QTGAL: variants seen among roughly 807,000 people sequenced by gnomAD.
The protein encoded by QTGAL is BGnT-like protein 1.
At chr17:82,974,683 G>A in the QTGAL span, among the ~76,000 whole-genome samples, 2 of 152,176 alleles carry the variant, frequency 1.3e-5, no homozygotes, top group African/African-American at 4.8e-5. Flanking sequence ...GGTGTCCCTG[G>A]CCCCACATCA....
the QTGAL span, chr17:83,006,638 A>C: frequency 7.1e-6 from 7 of 983,828 alleles, no homozygotes; most frequent in Non-Finnish European, 8.4e-6. This position sits in a 1 kb window ranked among gnomAD's most constrained non-coding sequence, Gnocchi z 5.8. Flanking sequence ...TGGCTGTGCT[A>C]TCCCGACGCC....
the QTGAL span, among the ~76,000 whole-genome samples, chr17:83,009,954 TG>T: frequency 1.4e-5 from 1 of 72,038 alleles, no homozygotes; most frequent in Non-Finnish European, 2.9e-5. Context: ...AGGGGGGCTG[TG>T]GGGGAGGGGA....
chr17:82,957,327 C>G, the QTGAL span: 1 of 1,613,906 alleles, frequency 6.2e-7, no homozygotes, highest in Non-Finnish European at 8.5e-7. Context: ...GGGGGCAGGG[C>G]AGGCAGTGTT....
At chr17:82,958,995 TGTGTGTATACTGTGTGGGGGTGTATG>T in the QTGAL span, among the ~76,000 whole-genome samples, 27 of 84,662 alleles carry the variant, frequency 3.2e-4, 2 homozygotes, top group Non-Finnish European at 5.0e-4. Flanking sequence ...ATGGTGTGTG[TGTGTGTATACTGTGTGGGGGTGTATG>T]GTGTGTGTGT....
At chr17:82,995,693 T>C in the QTGAL span, among the ~76,000 whole-genome samples, 8 of 152,260 alleles carry the variant, frequency 5.3e-5, no homozygotes, top group East Asian at 1.5e-3. Flanking sequence ...ATCAGTAGCA[T>C]TTCTATATGC....
chr17:82,981,035 C>G, the QTGAL span: 5 of 152,302 alleles, frequency 3.3e-5, no homozygotes, highest in East Asian at 9.6e-4. Context: ...CCAGCTTTAT[C>G]TTTCAGAATT....
chr17:83,035,548 A>C, the QTGAL span, among the ~76,000 whole-genome samples: 1 of 147,722 alleles, frequency 6.8e-6, no homozygotes, highest in Non-Finnish European at 1.5e-5. Flanking sequence ...AAGGAATGAA[A>C]GGAAAGTCAG....
the QTGAL span, chr17:83,006,771 G>C: frequency 1.0e-6 from 1 of 985,480 alleles, no homozygotes; most frequent in Non-Finnish European, 1.2e-6. This position sits in a 1 kb window ranked among gnomAD's most constrained non-coding sequence, Gnocchi z 5.8. Flanking sequence ...CAGTAGTCAG[G>C]TCCTGTGCTG....
At chr17:83,027,041 G>A in the QTGAL span, among the ~76,000 whole-genome samples, 2 of 139,268 alleles carry the variant, frequency 1.4e-5, no homozygotes, top group Non-Finnish European at 3.0e-5. Context: ...ACCCACCCTC[G>A]ACAGACACGC....
the QTGAL span, chr17:83,048,762 G>A: frequency 1.3e-4 from 209 of 1,613,784 alleles, no homozygotes; most frequent in South Asian, 1.5e-3. Flanking sequence ...ACGGTTCAGC[G>A]TTGTGGACTG....
chr17:83,009,876 G>T, the QTGAL span, among the ~76,000 whole-genome samples: 1 of 151,222 alleles, frequency 6.6e-6, no homozygotes. Flanking sequence ...TTGCATTTTT[G>T]ACACTAACAT....
the QTGAL span, among the ~76,000 whole-genome samples, chr17:83,032,838 C>T: frequency 5.9e-5 from 9 of 152,198 alleles, no homozygotes; most frequent in Non-Finnish European, 8.8e-5. Context: ...CTGGGGGTTC[C>T]GCCTTCCCGA....
the QTGAL span, among the ~76,000 whole-genome samples, chr17:82,974,012 G>A: frequency 1.7e-4 from 26 of 152,184 alleles, no homozygotes; most frequent in Non-Finnish European, 3.2e-4. Context: ...GCGTTTCACC[G>A]TGGGTCGAGA....
the QTGAL span, among the ~76,000 whole-genome samples, chr17:83,040,482 G>C: frequency 6.6e-6 from 1 of 152,152 alleles, no homozygotes; most frequent in African/African-American, 2.4e-5. Context: ...AACAGAGGGT[G>C]AATGAAGAAA....
At chr17:83,014,613 C>G in the QTGAL span, 1 of 1,388,088 alleles carries the variant, frequency 7.2e-7, no homozygotes. Flanking sequence ...TGGAGTGCAA[C>G]GGCACAATCA....
At chr17:82,942,202 G>A in the QTGAL span, 13 of 574,692 alleles carry the variant, frequency 2.3e-5, no homozygotes, top group Non-Finnish European at 4.0e-5. Context: ...TGTGAATGCA[G>A]GTTAAGAGCA....
the QTGAL span, chr17:82,943,615 CACCAGGACCACAAG>C: frequency 6.6e-6 from 1 of 152,214 alleles, no homozygotes; most frequent in African/African-American, 2.4e-5. Context: ...CTTGTGAGGT[CACCAGGACCACAAG>C]ACCAGGACTG....
chr17:82,957,485 G>A, the QTGAL span: 77 of 1,604,046 alleles, frequency 4.8e-5, 2 homozygotes, highest in South Asian at 8.4e-4. Flanking sequence ...GGTGGGTCCA[G>A]ATGGTCGTCC....
At chr17:83,001,854 T>TGACCTC in the QTGAL span, among the ~76,000 whole-genome samples, 3 of 152,170 alleles carry the variant, frequency 2.0e-5, no homozygotes, top group African/African-American at 7.2e-5. Flanking sequence ...ATGGTGGCCT[T>TGACCTC]GACCTCCTGG....
Sources: allele counts gnomAD v4.1 joint callset (sites outside exome capture counted in the v4.1 genomes callset), GRCh38; gene constraint gnomAD v4.1.1; non-coding constraint Gnocchi (gnomAD v3.1); transcripts MANE v1.5; gene names NCBI Gene and HGNC (gene_info 2026-07-23, HGNC 2026-07-21).